PLPPR5: variants seen among roughly 807,000 people sequenced by gnomAD.
PLPPR5 encodes the protein phospholipid phosphatase-related protein type 5.
Under a neutral mutation model 33.9 loss-of-function variants are expected in PLPPR5, and 16 were observed. The observed-to-expected ratio is 0.47, with a 90% CI of 0.32 to 0.72. The LOEUF (loss-of-function observed/expected upper bound fraction) is 0.72, where lower values mean the gene tolerates loss of function less well. Ranked by LOEUF, PLPPR5 falls within the 30% of genes least tolerant of loss-of-function variation. The pLI is 0.03. For synonymous variants in PLPPR5, 163 were observed against 150.3 expected (o/e 1.08, Z -0.62); for missense variants, 301 against 406.7 (o/e 0.74, Z 2.23).
At chr1:98,976,195 T>C (rs1296705842) in intron 1 of PLPPR5, among the ~76,000 whole-genome samples, 1 of 148,910 alleles carries the variant, frequency 6.7e-6, no homozygotes, top group East Asian at 2.0e-4. Flanking sequence ...GGAAGAGGAG[T>C]TGGGGAGAGA....
intron 1 of PLPPR5, among the ~76,000 whole-genome samples, chr1:98,962,188 T>C (rs1455337571): frequency 2.6e-5 from 4 of 152,208 alleles, no homozygotes; most frequent in African/African-American, 9.7e-5. Context: ...CTTTTATTTA[T>C]ATTATTTTTA....
chr1:98,975,390 A>G (rs182591004), intron 1 of PLPPR5, among the ~76,000 whole-genome samples: 1 of 152,230 alleles, frequency 6.6e-6, no homozygotes, highest in East Asian at 1.9e-4. Context: ...ATTGACAGAA[A>G]TCACGGCATG....
chr1:98,958,480 G>A lies in PLPPR5; in HGVS notation c.238-1739C>T, dbSNP rs1214187990. On this transcript the variant is annotated intron_variant, in intron 1 of 5. Coordinates refer to ENST00000263177, the MANE Select transcript of PLPPR5 (RefSeq NM_001037317.2). Reference sequence around the variant, plus strand: ...CATTGAGTGGAACTAAATTAAAAGAGACTAGTCTTGCCTATTTGGTGAGAG... The same window carrying A: ...CATTGAGTGGAACTAAATTAAAAGAAACTAGTCTTGCCTATTTGGTGAGAG... 3.3e-5 allele frequency among the ~76,000 whole-genome samples: 5 copies of A among 152,100 alleles called. No individual in the cohort carries two copies. The South Asian group carries it at 1.0e-3, about 32-fold the overall frequency.
rs747244904 is a variant in PLPPR5 at position 98,890,635 on chromosome 1, C to T, written c.*2437G>A. 1 of 152,502 alleles carries T rather than the reference C, an allele frequency of 6.6e-6. No individual in the cohort carries two copies. 9.4% of individuals were successfully genotyped at this position (152,502 alleles called of 1,614,324 possible). ...TATGTGTTTGCCTGCTTTTACTAGACTACATATGTACATATTTACATGGTA... is the reference window on the plus strand; with the variant it reads ...TATGTGTTTGCCTGCTTTTACTAGATTACATATGTACATATTTACATGGTA... On this transcript the variant is annotated 3_prime_UTR_variant, in exon 6 of 6. Coordinates refer to ENST00000263177, the MANE Select transcript of PLPPR5 (RefSeq NM_001037317.2).
intron 3 of PLPPR5, among the ~76,000 whole-genome samples, chr1:98,942,971 G>C (rs1650429349): frequency 6.6e-6 from 1 of 152,142 alleles, no homozygotes; most frequent in South Asian, 2.1e-4. Flanking sequence ...TGAAGAAAGA[G>C]AAGCCAGGTG....
intron 3 of PLPPR5, among the ~76,000 whole-genome samples, chr1:98,942,138 C>T (rs1371371607): frequency 6.8e-6 from 1 of 147,952 alleles, no homozygotes; most frequent in African/African-American, 2.4e-5. Flanking sequence ...GTGGCGCAAT[C>T]TCGGCTCACT....
chr1:98,916,010 T>C (rs1394901502), intron 4 of PLPPR5, among the ~76,000 whole-genome samples: 1 of 152,196 alleles, frequency 6.6e-6, no homozygotes, highest in Non-Finnish European at 1.5e-5. Flanking sequence ...TAACCTAACA[T>C]TCATTTTGTA....
At chr1:98,919,404 T>C (rs770624795) in intron 4 of PLPPR5, among the ~76,000 whole-genome samples, 5 of 152,162 alleles carry the variant, frequency 3.3e-5, no homozygotes, top group African/African-American at 4.8e-5. Context: ...TAGCATTAAT[T>C]TTATTTTGGA....
At chr1:98,977,286 T>C (rs1285231620) in intron 1 of PLPPR5, among the ~76,000 whole-genome samples, 1 of 151,936 alleles carries the variant, frequency 6.6e-6, no homozygotes, top group Admixed American at 6.6e-5. Flanking sequence ...CTGAATTAGA[T>C]GCAGCTTAAA....
In PLPPR5 at chr1:98,953,332, A is replaced by C; in HGVS notation, c.371-12T>G. 1 of 1,610,094 alleles carries C rather than the reference A, an allele frequency of 6.2e-7. No homozygotes were observed. Among genetic ancestry groups the C allele is most frequent in the African/African-American group, 1.4e-5 (1 of 74,002 alleles). Reference sequence around the variant, plus strand: ...AAATGTATAAATTCCTGGGGAAGAAAACAAATAATTTTAACTTCTTGCTTG... The same window carrying C: ...AAATGTATAAATTCCTGGGGAAGAACACAAATAATTTTAACTTCTTGCTTG... On this transcript the variant is annotated splice_polypyrimidine_tract_variant and intron_variant, in intron 2 of 5. Transcript: ENST00000263177.
Position 98,893,035 on chromosome 1 carries a change from T to A in PLPPR5, c.*37A>T. 6.2e-7 allele frequency: 1 copy of A among 1,602,958 alleles called. No homozygotes were observed. Among genetic ancestry groups the A allele is most frequent in the South Asian group, 1.1e-5 (1 of 90,226 alleles). On this transcript the variant is annotated 3_prime_UTR_variant, in exon 6 of 6. Transcript: ENST00000263177. ...GTTATGAATGGATGGTAAAAAGGGA[T>A]GATGTCCAATGCAGTGAAAAACCAT...
chr1:98,965,431 C>T lies in PLPPR5; in HGVS notation c.238-8690G>A, dbSNP rs372877649. ...CACACTGTCTGCTCCTTCCTAATGA[C>T]GCAACTAAGTCTCCATCATGTCTTT... On this transcript the variant is annotated intron_variant, in intron 1 of 5. Coordinates refer to ENST00000263177, the MANE Select transcript of PLPPR5 (RefSeq NM_001037317.2). Among the ~76,000 whole-genome samples, 25 of 152,222 alleles carry T rather than the reference C, an allele frequency of 1.6e-4. 1 individual carries two copies. The highest frequency in any genetic ancestry group is 4.1e-4 in the South Asian group (2 of 4,834).
intron 1 of PLPPR5, among the ~76,000 whole-genome samples, chr1:99,001,563 T>C (rs1481775205): frequency 6.6e-6 from 1 of 151,354 alleles, no homozygotes; most frequent in East Asian, 1.9e-4. Context: ...TTTTAATTTT[T>C]ACATAAATGA....
intron 1 of PLPPR5, among the ~76,000 whole-genome samples, chr1:99,003,868 T>G (rs1652960091): frequency 6.6e-6 from 1 of 152,206 alleles, no homozygotes; most frequent in South Asian, 2.1e-4. Flanking sequence ...TTAGAAATTC[T>G]CAAATTCTTT....
chr1:98,912,195 T>G (rs909286230), intron 5 of PLPPR5, among the ~76,000 whole-genome samples: 3 of 152,254 alleles, frequency 2.0e-5, no homozygotes, highest in South Asian at 2.1e-4. Flanking sequence ...TGTATAATTT[T>G]TCTCAGCTGC....
intron 1 of PLPPR5, among the ~76,000 whole-genome samples, chr1:98,959,950 T>G (rs564655239): frequency 6.6e-6 from 1 of 152,248 alleles, no homozygotes; most frequent in African/African-American, 2.4e-5. Flanking sequence ...TGGTCTAGAC[T>G]AGCTCTTTCC....
At chr1:98,922,169 G>T in intron 3 of PLPPR5, 111 bp from the exon 4 acceptor site, 2 of 942,346 alleles carry the variant, frequency 2.1e-6, no homozygotes, top group Non-Finnish European at 3.0e-6. Flanking sequence ...ACGCCTGTAT[G>T]ATTCAAATCA....
At chr1:98,932,606 T>C (rs572026597) in intron 3 of PLPPR5, among the ~76,000 whole-genome samples, 1 of 152,246 alleles carries the variant, frequency 6.6e-6, no homozygotes, top group Non-Finnish European at 1.5e-5. Flanking sequence ...TAGTAGTTAC[T>C]ATATTTTGGA....
chr1:98,958,538 C>A (rs1163265686), intron 1 of PLPPR5, among the ~76,000 whole-genome samples: 1 of 152,172 alleles, frequency 6.6e-6, no homozygotes, highest in African/African-American at 2.4e-5. Flanking sequence ...GAACTTCCAA[C>A]TTCCTCCTGA....
Sources: gnomAD v4.1 joint callset for allele counts (sites outside exome capture counted in the v4.1 genomes callset) on GRCh38, gnomAD v4.1.1 for gene constraint, MANE v1.5 for transcripts, NCBI Gene and HGNC (gene_info 2026-07-23, HGNC 2026-07-21) for gene names.